The following MGMT variants were observed in gnomAD, a reference collection of about 807,000 sequenced individuals.
MGMT encodes the protein methylated-DNA--protein-cysteine methyltransferase.
MGMT carries 14 observed loss-of-function variants against 15.9 expected under a neutral mutation model. The ratio of observed to expected loss-of-function variants is 0.88; its 90% CI spans 0.58 to 1.37. The LOEUF is 1.37. MGMT is among the 40% of genes most tolerant of loss of function. The pLI is 0.00. For missense variants in MGMT, 282 were observed against 268.1 expected (o/e 1.05, Z -0.36); for synonymous variants, 130 against 118.2 (o/e 1.10, Z -0.65).
intron 2 of MGMT, among the ~76,000 whole-genome samples, chr10:129,601,874 T>C (rs1296693824): frequency 6.6e-6 from 1 of 152,162 alleles, no homozygotes; most frequent in African/African-American, 2.4e-5. Flanking sequence ...CAGTGGCCAC[T>C]GCAATACAAA....
rs111717794 is a variant in MGMT at position 129,527,261 on chromosome 10, G to A, written c.-12-8980G>A. Among the ~76,000 whole-genome samples, 1,122 of 152,328 alleles carry A rather than the reference G, an allele frequency of 7.4e-3. 11 individuals carry two copies. Among genetic ancestry groups the A allele is most frequent in the Non-Finnish European group, 0.012 (801 of 68,038 alleles). ...CTATGGTACTCTCAGCAACACGGCT[G>A]TCCCATTATGTGCACATGCCCTGTT... On this transcript the variant is annotated intron_variant, in intron 1 of 4. Coordinates refer to ENST00000651593, the MANE Select transcript of MGMT (RefSeq NM_002412.5).
chr10:129,478,901 G>T (rs919814754), intron 1 of MGMT, among the ~76,000 whole-genome samples: 2 of 141,986 alleles, frequency 1.4e-5, no homozygotes, highest in African/African-American at 5.0e-5. Context: ...CTTGTTTGTT[G>T]TTCAGTTCCA....
At chr10:129,601,947 C>G (rs930866395) in intron 2 of MGMT, among the ~76,000 whole-genome samples, 2 of 152,092 alleles carry the variant, frequency 1.3e-5, no homozygotes, top group Non-Finnish European at 2.9e-5. Context: ...TTCATTGGTC[C>G]GTGACCAACA....
chr10:129,698,559 CAT>C (rs1223017663), intron 2 of MGMT, among the ~76,000 whole-genome samples: 32 of 152,300 alleles, frequency 2.1e-4, no homozygotes, highest in South Asian at 6.2e-4. Flanking sequence ...AACGTGCCCT[CAT>C]GTGTGTGTAA....
intron 2 of MGMT, among the ~76,000 whole-genome samples, chr10:129,658,577 T>A (rs542711148): frequency 1.1e-4 from 17 of 152,320 alleles, no homozygotes; most frequent in African/African-American, 3.8e-4. Flanking sequence ...ATATCTAATA[T>A]CATGCTTTGA....
At chr10:129,524,887 G>T (rs946783453) in intron 1 of MGMT, among the ~76,000 whole-genome samples, 2 of 152,048 alleles carry the variant, frequency 1.3e-5, no homozygotes, top group African/African-American at 4.8e-5. Context: ...ACCGCACCCG[G>T]CCCCAGAAAG....
chr10:129,739,164 A>G (rs985831932), intron 3 of MGMT, among the ~76,000 whole-genome samples: 1 of 152,224 alleles, frequency 6.6e-6, no homozygotes. Flanking sequence ...TCAAATAATA[A>G]GAGCTATTTA....
At chr10:129,654,400 TGTG>T (rs1315045943) in intron 2 of MGMT, among the ~76,000 whole-genome samples, 4 of 152,094 alleles carry the variant, frequency 2.6e-5, no homozygotes, top group Admixed American at 2.6e-4. Flanking sequence ...TGAAGCCTCT[TGTG>T]GTAGAAGAGA....
At chr10:129,613,328 C>T (rs1413305595) in intron 2 of MGMT, among the ~76,000 whole-genome samples, 2 of 152,210 alleles carry the variant, frequency 1.3e-5, no homozygotes, top group African/African-American at 4.8e-5. Flanking sequence ...AGACGGGAAG[C>T]GTCCTTGATC....
At chr10:129,745,105 G>A (rs944877647) in intron 3 of MGMT, among the ~76,000 whole-genome samples, 2 of 152,182 alleles carry the variant, frequency 1.3e-5, no homozygotes, top group Non-Finnish European at 2.9e-5. Flanking sequence ...GAAAGATTTT[G>A]CAGAAAATGT....
intron 2 of MGMT, among the ~76,000 whole-genome samples, chr10:129,584,185 G>A (rs1294818179): frequency 6.6e-6 from 1 of 152,166 alleles, no homozygotes; most frequent in Non-Finnish European, 1.5e-5. Context: ...AGAAAACACA[G>A]TTTCTAGGGG....
At chr10:129,632,700 T>A (rs1847224278) in intron 2 of MGMT, among the ~76,000 whole-genome samples, 3 of 151,662 alleles carry the variant, frequency 2.0e-5, no homozygotes, top group South Asian at 4.2e-4. Context: ...CCTGCTGGAG[T>A]TTGGGGGAGA....
chr10:129,622,605 C>G (rs1447525892), intron 2 of MGMT, among the ~76,000 whole-genome samples: 1 of 152,224 alleles, frequency 6.6e-6, no homozygotes, highest in Non-Finnish European at 1.5e-5. Context: ...TTGCTGATCT[C>G]AGAAAGCTAA....
chr10:129,570,712 A>G (rs946882152), intron 2 of MGMT, among the ~76,000 whole-genome samples: 4 of 152,238 alleles, frequency 2.6e-5, no homozygotes, highest in African/African-American at 9.6e-5. Flanking sequence ...AAAATTGACT[A>G]TTCATCGATT....
chr10:129,479,711 T>A (rs1466620874), intron 1 of MGMT, among the ~76,000 whole-genome samples: 1 of 150,546 alleles, frequency 6.6e-6, no homozygotes, highest in Non-Finnish European at 1.5e-5. Context: ...AGGACATGAG[T>A]GTGTTTCTCC....
intron 1 of MGMT, among the ~76,000 whole-genome samples, chr10:129,510,776 G>A (rs1269960095): frequency 6.7e-6 from 1 of 149,896 alleles, no homozygotes; most frequent in East Asian, 2.0e-4. Flanking sequence ...GATACCAGAC[G>A]CAGCCAGATG....
At chr10:129,724,254 G>A (rs984765733) in intron 3 of MGMT, among the ~76,000 whole-genome samples, 2 of 152,122 alleles carry the variant, frequency 1.3e-5, no homozygotes, top group African/African-American at 2.4e-5. Context: ...GATGAGTCTC[G>A]GTAACGTCAT....
chr10:129,607,711 T>C (rs745530428), intron 2 of MGMT, among the ~76,000 whole-genome samples: 1 of 152,250 alleles, frequency 6.6e-6, no homozygotes, highest in African/African-American at 2.4e-5. Flanking sequence ...CCAGTTTCCC[T>C]TGGACAGCTG....
intron 1 of MGMT, among the ~76,000 whole-genome samples, chr10:129,530,928 C>G (rs1220862397): frequency 6.6e-6 from 1 of 152,200 alleles, no homozygotes; most frequent in Non-Finnish European, 1.5e-5. Flanking sequence ...CCCACACTCT[C>G]CCCCCGAAGT....
Sources: allele counts gnomAD v4.1 joint callset (sites outside exome capture counted in the v4.1 genomes callset), GRCh38; gene constraint gnomAD v4.1.1; transcripts MANE v1.5; gene names NCBI Gene and HGNC (gene_info 2026-07-23, HGNC 2026-07-21).